EPHB2: variants seen among roughly 807,000 people sequenced by gnomAD.
The protein encoded by EPHB2 is EPH receptor B2.
In EPHB2, 18 loss-of-function variants were observed where a neutral mutation model predicts 96.4. The ratio of observed to expected loss-of-function variants is 0.19; its 90% CI spans 0.13 to 0.28. EPHB2 has a LOEUF of 0.28. Ranked by LOEUF, EPHB2 falls within the 10% of genes least tolerant of loss-of-function variation. The pLI is 1.00. For missense variants in EPHB2, 989 were observed against 1,355.4 expected (o/e 0.73, Z 4.25); for synonymous variants, 506 against 534.1 (o/e 0.95, Z 0.72).
At chr1:22,722,576 G>A (rs1368954446) in intron 1 of EPHB2, among the ~76,000 whole-genome samples, 1 of 152,174 alleles carries the variant, frequency 6.6e-6, no homozygotes, top group African/African-American at 2.4e-5. Context: ...TAACTTCCCT[G>A]CATGATCCCT....
At chr1:22,885,757 GT>G (rs11338643) in intron 6 of EPHB2, among the ~76,000 whole-genome samples, 73,330 of 151,834 alleles carry the variant, frequency 0.48, 18,095 homozygotes, top group Non-Finnish European at 0.51. Context: ...CATGGAGAAC[GT>G]TTAGGCATAA....
chr1:22,762,552 C>T (rs1644249518), intron 1 of EPHB2, among the ~76,000 whole-genome samples: 1 of 152,090 alleles, frequency 6.6e-6, no homozygotes, highest in South Asian at 2.1e-4. Context: ...TGTGAGTGGG[C>T]TTCTGAGACT....
chr1:22,745,976 A>G (rs1480281866), intron 1 of EPHB2, among the ~76,000 whole-genome samples: 1 of 152,236 alleles, frequency 6.6e-6, no homozygotes, highest in East Asian at 1.9e-4. Context: ...CAGCAGGATC[A>G]GGATGTTTAA....
intron 1 of EPHB2, among the ~76,000 whole-genome samples, chr1:22,722,497 A>G (rs1251792883): frequency 1.3e-5 from 2 of 152,216 alleles, no homozygotes; most frequent in Non-Finnish European, 2.9e-5. Flanking sequence ...TCAAGGTTAC[A>G]TAGCTGTTAG....
chr1:22,865,508 A>ACT (rs1638442625), intron 5 of EPHB2, among the ~76,000 whole-genome samples: 1 of 152,218 alleles, frequency 6.6e-6, no homozygotes, highest in Admixed American at 6.5e-5. Flanking sequence ...CTCTCATGGG[A>ACT]GAATCCAGAG....
Position 22,858,182 on chromosome 1 carries a change from G to A in EPHB2, c.812-4855G>A, listed in dbSNP as rs747687780. Among the ~76,000 whole-genome samples, 1 of 152,086 alleles carries A rather than the reference G, an allele frequency of 6.6e-6. No individual in the cohort carries two copies. Among genetic ancestry groups the A allele is most frequent in the Non-Finnish European group, 1.5e-5 (1 of 68,006 alleles). Reference sequence around the variant, plus strand: ...GAACAGCTTGGCCAAAGGCCTGGAGGTGAGAGCGCATTCGATGACCACAGG... The same window carrying A: ...GAACAGCTTGGCCAAAGGCCTGGAGATGAGAGCGCATTCGATGACCACAGG... On this transcript the variant is annotated intron_variant, in intron 3 of 15. Transcript: ENST00000374630. The surrounding 1 kb of genome is among the most constrained non-coding windows in gnomAD (Gnocchi z 7.7).
chr1:22,774,053 C>T (rs1644414475), intron 1 of EPHB2, among the ~76,000 whole-genome samples: 1 of 152,216 alleles, frequency 6.6e-6, no homozygotes, highest in Non-Finnish European at 1.5e-5. Flanking sequence ...TTACGATTGC[C>T]CAGCCTTCCC....
At chr1:22,776,803 A>T (rs1428090409) in intron 1 of EPHB2, among the ~76,000 whole-genome samples, 1 of 152,238 alleles carries the variant, frequency 6.6e-6, no homozygotes, top group Non-Finnish European at 1.5e-5. Flanking sequence ...TGTTGTCTGT[A>T]TGAAAGGCTC....
At chr1:22,813,861 C>T (rs988386589) in intron 3 of EPHB2, among the ~76,000 whole-genome samples, 3 of 152,226 alleles carry the variant, frequency 2.0e-5, no homozygotes, top group African/African-American at 7.2e-5. Context: ...GACCACACCC[C>T]TGTATCTGAG....
chr1:22,748,826 A>T (rs1644016043), intron 1 of EPHB2, among the ~76,000 whole-genome samples: 1 of 148,198 alleles, frequency 6.7e-6, no homozygotes, highest in Non-Finnish European at 1.5e-5. Context: ...TAGAAATAAT[A>T]TTAGGTTGGT....
chr1:22,887,837 T>C (rs949973766), intron 6 of EPHB2, among the ~76,000 whole-genome samples: 3 of 152,120 alleles, frequency 2.0e-5, no homozygotes, highest in Admixed American at 2.0e-4. Flanking sequence ...AGGAAGGACA[T>C]TCCAGGCAGA....
chr1:22,813,178 T>C (rs922223211), intron 3 of EPHB2, among the ~76,000 whole-genome samples: 1 of 152,178 alleles, frequency 6.6e-6, no homozygotes, highest in African/African-American at 2.4e-5. Context: ...TCAGGCAGGT[T>C]CTCTTGTTTT....
In EPHB2 at chr1:22,847,378, C is replaced by T. The variant is rs543524463; in HGVS notation, c.812-15659C>T. 7.2e-5 allele frequency among the ~76,000 whole-genome samples: 11 copies of T among 152,300 alleles called. No individual in the cohort carries two copies. The South Asian group carries it at 2.3e-3, about 32-fold the overall frequency. On this transcript the variant is annotated intron_variant, in intron 3 of 15. Coordinates refer to ENST00000374630, the MANE Select transcript of EPHB2 (RefSeq NM_017449.5). ...AGCCCCCTGATAACTTATATGAAGCCTGGAACACAGCAGCTGCTCAATAAA... is the reference window on the plus strand; with the variant it reads ...AGCCCCCTGATAACTTATATGAAGCTTGGAACACAGCAGCTGCTCAATAAA...
chr1:22,803,388 C>T (rs1410448637), intron 3 of EPHB2, among the ~76,000 whole-genome samples: 1 of 152,058 alleles, frequency 6.6e-6, no homozygotes, highest in Non-Finnish European at 1.5e-5. Flanking sequence ...TGGAGGATCA[C>T]TTGAGCCCAG....
At chr1:22,712,219 T>G (rs1643170038) in intron 1 of EPHB2, among the ~76,000 whole-genome samples, 1 of 152,112 alleles carries the variant, frequency 6.6e-6, no homozygotes, top group South Asian at 2.1e-4. Flanking sequence ...CTTGAACAGA[T>G]AGGGAAACCG....
chr1:22,777,369 T>G (rs1466692966), intron 1 of EPHB2, among the ~76,000 whole-genome samples: 1 of 152,130 alleles, frequency 6.6e-6, no homozygotes, highest in Non-Finnish European at 1.5e-5. Flanking sequence ...GGCATTGTTG[T>G]GAGAATGTTG....
At chr1:22,735,450 AAG>A (rs1370665771) in intron 1 of EPHB2, among the ~76,000 whole-genome samples, 38 of 129,388 alleles carry the variant, frequency 2.9e-4, no homozygotes, top group Admixed American at 1.3e-3. Context: ...AAAAAAAAAA[AAG>A]AAGAAGAAGA....
At chr1:22,724,090 CT>C (rs1173283675) in intron 1 of EPHB2, among the ~76,000 whole-genome samples, 13 of 152,242 alleles carry the variant, frequency 8.5e-5, no homozygotes, top group Middle Eastern at 3.4e-3. Flanking sequence ...GATTTCTTTT[CT>C]TTTTCACATT....
At chr1:22,723,591 T>C (rs1643518323) in intron 1 of EPHB2, among the ~76,000 whole-genome samples, 1 of 152,254 alleles carries the variant, frequency 6.6e-6, no homozygotes. Flanking sequence ...CCCCTTGGCC[T>C]GAGGCCAGGA....
Sources: gnomAD v4.1 joint callset for allele counts (sites outside exome capture counted in the v4.1 genomes callset) on GRCh38, gnomAD v4.1.1 for gene constraint, Gnocchi (gnomAD v3.1) non-coding constraint, MANE v1.5 for transcripts, NCBI Gene and HGNC (gene_info 2026-07-23, HGNC 2026-07-21) for gene names.